The following GRIP1 variants were observed in gnomAD, a reference collection of about 807,000 sequenced individuals.
GRIP1 encodes glutamate receptor-interacting protein 1.
In GRIP1, 45 loss-of-function variants were observed where a neutral mutation model predicts 129.9. The observed-to-expected ratio is 0.35, with a 90% CI of 0.27 to 0.44. GRIP1 has a LOEUF of 0.44. Among genes scored for constraint, GRIP1 ranks in the 20% least tolerant of loss-of-function variants. The pLI is 1.00. For missense variants in GRIP1, 1,196 were observed against 1,396.8 expected (o/e 0.86, Z 2.29); for synonymous variants, 530 against 520.8 (o/e 1.02, Z -0.24).
At chr12:66,733,072 T>C (rs145795404) in intron 1 of GRIP1, among the ~76,000 whole-genome samples, 2 of 152,278 alleles carry the variant, frequency 1.3e-5, no homozygotes, top group Non-Finnish European at 2.9e-5. Flanking sequence ...CAGGTTGGAC[T>C]CAAACTCCTG....
At position 66,780,068 on chromosome 12, in the gene GRIP1, T is replaced by A. The variant is rs545116806; in HGVS notation, c.-420+23985A>T. Reference sequence around the variant, plus strand: ...TACTTGGGTAAGATGTTGGTGGTAGTGGCAGCATAATTTGAGGTTTTCCCA... The same window carrying A: ...TACTTGGGTAAGATGTTGGTGGTAGAGGCAGCATAATTTGAGGTTTTCCCA... On this transcript the variant is annotated intron_variant, in intron 1 of 4. Transcript: ENST00000538373. Among the ~76,000 whole-genome samples the A allele has an allele frequency of 7.1e-4, 108 of 152,242 alleles. 2 individuals are homozygous for A. The South Asian group carries it at 0.022, about 31-fold the overall frequency.
upstream of GRIP1, among the ~76,000 whole-genome samples, chr12:66,804,527 C>T (rs2038947800): frequency 6.6e-6 from 1 of 151,988 alleles, no homozygotes; most frequent in Admixed American, 6.6e-5. Context: ...CTTTAAATAG[C>T]TTCAAAACAA....
At chr12:66,504,336 G>A (rs940575766) in intron 7 of GRIP1, among the ~76,000 whole-genome samples, 1 of 152,120 alleles carries the variant, frequency 6.6e-6, no homozygotes, top group Non-Finnish European at 1.5e-5. Context: ...TGTAAAAAAT[G>A]GGGATTAGTT....
At chr12:66,561,215 G>A (rs1312266158) in intron 2 of GRIP1, among the ~76,000 whole-genome samples, 1 of 152,138 alleles carries the variant, frequency 6.6e-6, no homozygotes, top group East Asian at 1.9e-4. Context: ...AGGAAAGTGA[G>A]GATGGCTAAT....
In GRIP1 at chr12:66,804,071, C is replaced by T. The variant is rs571501464; in HGVS notation, c.-438G>A. 6.6e-5 allele frequency: 30 copies of T among 455,122 alleles called. No homozygotes were observed. The Middle Eastern group carries it at 1.3e-3, about 20-fold the overall frequency. 28.2% of individuals were successfully genotyped at this position (455,122 alleles called of 1,614,324 possible). On this transcript the variant is annotated 5_prime_UTR_variant, in exon 1 of 5. Coordinates refer to the GRIP1 transcript ENST00000538373. Reference sequence around the variant, plus strand: ...CGCTTACTTCGAAAATGCTCTGAAGCGTAATAATAGACATCCTCATAGCCC... The same window carrying T: ...CGCTTACTTCGAAAATGCTCTGAAGTGTAATAATAGACATCCTCATAGCCC...
Position 66,612,649 on chromosome 12 carries a change from C to A in GRIP1, c.56-15722G>T, listed in dbSNP as rs545644184. Among the ~76,000 whole-genome samples the A allele has an allele frequency of 2.2e-4, 31 of 140,814 alleles. No individual in the cohort carries two copies. In the South Asian group the frequency reaches 6.3e-3, roughly 29 times the overall value. 92.4% of individuals were successfully genotyped at this position (140,814 alleles called of 152,430 possible). A position where few individuals can be genotyped will look rare whatever the true frequency, so the allele number is the denominator to read the frequency against. ...GACCCTGTTCAAAACAAACAAACCA[C>A]AAAACAAAAATAAAAAAAATTTAAA... On this transcript the variant is annotated intron_variant, in intron 1 of 24. Coordinates refer to ENST00000359742, the MANE Select transcript of GRIP1 (RefSeq NM_001366722.1).
chr12:66,989,048 C>T (rs961257984), intron 1 of GRIP1, among the ~76,000 whole-genome samples: 1 of 152,116 alleles, frequency 6.6e-6, no homozygotes, highest in African/African-American at 2.4e-5. Context: ...TCTCAACAGT[C>T]CCCTAAGAAA....
chr12:66,901,031 T>A (rs2040835953), intron 1 of GRIP1, among the ~76,000 whole-genome samples: 1 of 152,176 alleles, frequency 6.6e-6, no homozygotes, highest in African/African-American at 2.4e-5. Flanking sequence ...TGAATGAAAA[T>A]GAACCAGAAT....
At chr12:66,596,716 A>C in intron 2 of GRIP1, 131 bp downstream of exon 2, 1 of 685,702 alleles carries the variant, frequency 1.5e-6, no homozygotes, top group Non-Finnish European at 2.6e-6. Flanking sequence ...TGTAGAATTC[A>C]GTCTATGCTC....
At chr12:66,931,774 G>A (rs545161972) in intron 1 of GRIP1, among the ~76,000 whole-genome samples, 11 of 152,194 alleles carry the variant, frequency 7.2e-5, no homozygotes, top group South Asian at 2.1e-4. Flanking sequence ...TCAAGATTCC[G>A]TGATTTTTTT....
At chr12:66,481,529 A>T (rs1259779020) in intron 7 of GRIP1, among the ~76,000 whole-genome samples, 2 of 152,224 alleles carry the variant, frequency 1.3e-5, no homozygotes, top group Non-Finnish European at 2.9e-5. Context: ...CCATTGTGGA[A>T]GTCAGTGTGG....
At chr12:66,495,758 A>T (rs540389044) in intron 7 of GRIP1, among the ~76,000 whole-genome samples, 36 of 152,300 alleles carry the variant, frequency 2.4e-4, no homozygotes, top group Non-Finnish European at 5.0e-4. Context: ...CACAAGGCGA[A>T]TGTACCACTC....
At chr12:66,537,829 C>T (rs61141277) in intron 4 of GRIP1, among the ~76,000 whole-genome samples, 7 of 152,260 alleles carry the variant, frequency 4.6e-5, no homozygotes, top group African/African-American at 1.7e-4. Context: ...AGAAAGTTGG[C>T]TTTGCCATTC....
At chr12:66,977,839 C>A (rs879630081) in intron 1 of GRIP1, among the ~76,000 whole-genome samples, 1 of 57,184 alleles carries the variant, frequency 1.7e-5, no homozygotes, top group Non-Finnish European at 3.2e-5. Flanking sequence ...TTTTTTTTGG[C>A]TCTTGCTCTT....
intron 1 of GRIP1, among the ~76,000 whole-genome samples, chr12:66,892,300 A>G (rs190722844): frequency 7.7e-4 from 118 of 152,312 alleles, no homozygotes; most frequent in East Asian, 6.8e-3. Context: ...TGACTACAGC[A>G]GCCTCCTAAT....
intron 1 of GRIP1, among the ~76,000 whole-genome samples, chr12:66,876,319 T>C (rs1286686990): frequency 2.0e-5 from 3 of 152,038 alleles, no homozygotes; most frequent in African/African-American, 7.2e-5. Flanking sequence ...CTCTAAAAAA[T>C]GCTTATTCTA....
intron 13 of GRIP1, among the ~76,000 whole-genome samples, chr12:66,435,594 G>C (rs192636555): frequency 1.5e-3 from 223 of 152,280 alleles, no homozygotes; most frequent in African/African-American, 5.1e-3. Context: ...CTGTATATCT[G>C]TATACGTATA....
At chr12:67,066,071 CAT>C (rs1173069580) in intron 1 of GRIP1, among the ~76,000 whole-genome samples, 1 of 152,204 alleles carries the variant, frequency 6.6e-6, no homozygotes, top group African/African-American at 2.4e-5. Flanking sequence ...TGAGTCTTAA[CAT>C]GTCATTTTGG....
At chr12:66,843,546 T>C (rs1413652615) in intron 1 of GRIP1, among the ~76,000 whole-genome samples, 1 of 152,074 alleles carries the variant, frequency 6.6e-6, no homozygotes, top group African/African-American at 2.4e-5. Flanking sequence ...TCTCACACTT[T>C]CCAGTTTCAA....
Sources: gnomAD v4.1 joint callset for allele counts (sites outside exome capture counted in the v4.1 genomes callset) on GRCh38, gnomAD v4.1.1 for gene constraint, MANE v1.5 for transcripts, NCBI Gene and HGNC (gene_info 2026-07-23, HGNC 2026-07-21) for gene names.